Variants in FAM227B observed in about 807,000 individuals in gnomAD.
FAM227B encodes the protein family with sequence similarity 227 member B.
FAM227B carries 88 observed loss-of-function variants against 73.8 expected under a neutral mutation model. That is an observed-to-expected ratio of 1.19 (90% CI 1.00 to 1.42). FAM227B has a LOEUF of 1.42. Ranked by LOEUF, FAM227B falls within the 40% of genes most tolerant of loss-of-function variation. The pLI is 0.00. For synonymous variants in FAM227B, 210 were observed against 190.5 expected (o/e 1.10, Z -0.84); for missense variants, 632 against 590.9 (o/e 1.07, Z -0.72).
intron 8 of FAM227B, among the ~76,000 whole-genome samples, chr15:49,569,134 T>G (rs569936090): frequency 1.3e-5 from 2 of 152,082 alleles, no homozygotes; most frequent in East Asian, 3.9e-4. Flanking sequence ...TTTGTCTATT[T>G]CAACTACATT....
intron 11 of FAM227B, among the ~76,000 whole-genome samples, chr15:49,445,731 GT>G (rs2052138189): frequency 1.3e-5 from 2 of 151,536 alleles, no homozygotes; most frequent in Admixed American, 1.3e-4. Context: ...TAGCTGTCCA[GT>G]TTTTAAAAAC....
At chr15:49,366,745 A>G in intron 13 of FAM227B, 1 of 864,110 alleles carries the variant, frequency 1.2e-6, no homozygotes, top group African/African-American at 1.7e-5. Flanking sequence ...GTAGGCTGGG[A>G]GTCCCGCCAC....
rs1227288949 is a variant in FAM227B, at chr15:49,585,628, T to C, written c.405+2388A>G. ...AACACTGCATGTTCTCACTTATAGG[T>C]GGGAATTGAACAATGAGAACACATG... On this transcript the variant is annotated intron_variant, in intron 5 of 15. Transcript: ENST00000299338. Among the ~76,000 whole-genome samples the C allele has an allele frequency of 2.0e-5, 3 of 150,258 alleles. No individual in the cohort carries two copies. The East Asian group carries it at 5.9e-4, about 29-fold the overall frequency.
chr15:49,375,819 A>G (rs929234458), intron 11 of FAM227B, among the ~76,000 whole-genome samples: 1 of 152,148 alleles, frequency 6.6e-6, no homozygotes, highest in African/African-American at 2.4e-5. Flanking sequence ...AATTGAGACT[A>G]ATTTAATTGT....
chr15:49,331,846 G>A lies in FAM227B; in HGVS notation c.1353C>T (p.Leu451=), dbSNP rs2038819312. 1 of 1,603,500 alleles carries A rather than the reference G, an allele frequency of 6.2e-7. No individual in the cohort carries two copies. Among genetic ancestry groups the A allele is most frequent in the African/African-American group, 1.3e-5 (1 of 74,684 alleles). The change falls in exon 15 of 16, where the codon CTC becomes CTT. Residue 451 remains leucine (L), a synonymous_variant. Transcript: ENST00000299338. ...GAGGTTTCTTGGTAGCCTTTGCTTG[G>A]AGTCTAATCATGGAATAAAGAAAAT... ...FARNQKDFRI[L]QAKATKKPHE...
intron 2 of FAM227B, 165 bp downstream of exon 2, chr15:49,614,956 A>C: frequency 1.5e-6 from 1 of 666,426 alleles, no homozygotes; most frequent in Non-Finnish European, 2.7e-6. Context: ...CCTTGGCAAT[A>C]CTCATCTCAG....
chr15:49,532,250 G>T (rs1437964510), intron 10 of FAM227B, among the ~76,000 whole-genome samples: 1 of 151,454 alleles, frequency 6.6e-6, no homozygotes, highest in Non-Finnish European at 1.5e-5. Context: ...CATTTTTAGG[G>T]ATTAGAATCA....
intron 11 of FAM227B, among the ~76,000 whole-genome samples, chr15:49,386,307 C>T (rs985655998): frequency 1.3e-5 from 2 of 151,680 alleles, no homozygotes; most frequent in African/African-American, 4.8e-5. Context: ...AGTATCTTCT[C>T]AGGCCACAGT....
chr15:49,530,127 C>CT (rs1476468100), intron 10 of FAM227B, among the ~76,000 whole-genome samples: 1 of 151,614 alleles, frequency 6.6e-6, no homozygotes, highest in Non-Finnish European at 1.5e-5. Context: ...AATTTTAATG[C>CT]TTTTTTGCAA....
intron 13 of FAM227B, among the ~76,000 whole-genome samples, chr15:49,350,718 T>C (rs1432933599): frequency 6.6e-6 from 1 of 152,182 alleles, no homozygotes; most frequent in Admixed American, 6.5e-5. Flanking sequence ...CCATTTGCCT[T>C]TTATAATCCC....
chr15:49,371,526 G>A (rs1309558838), intron 11 of FAM227B, 127 bp from the exon 12 acceptor site: 1 of 448,464 alleles, frequency 2.2e-6, no homozygotes, highest in Non-Finnish European at 4.0e-6. Context: ...TGGATAAAGA[G>A]TGTTAAGACA....
intron 13 of FAM227B, among the ~76,000 whole-genome samples, chr15:49,336,734 G>A (rs2039782064): frequency 6.6e-6 from 1 of 152,024 alleles, no homozygotes; most frequent in South Asian, 2.1e-4. Flanking sequence ...AGATCCAGGG[G>A]TTACATGGGC....
intron 11 of FAM227B, among the ~76,000 whole-genome samples, chr15:49,422,938 A>G (rs898719831): frequency 6.6e-6 from 1 of 152,192 alleles, no homozygotes; most frequent in African/African-American, 2.4e-5. Context: ...AAAACCCTAT[A>G]TATATGTTCA....
At chr15:49,393,309 CTTTG>C (rs1025889344) in intron 11 of FAM227B, among the ~76,000 whole-genome samples, 45 of 152,062 alleles carry the variant, frequency 3.0e-4, no homozygotes, top group African/African-American at 1.1e-3. Flanking sequence ...ATCATTTCCT[CTTTG>C]TTTGGAGCCA....
At chr15:49,502,048 G>T (rs1318046904) in intron 11 of FAM227B, among the ~76,000 whole-genome samples, 1 of 152,208 alleles carries the variant, frequency 6.6e-6, no homozygotes, top group East Asian at 1.9e-4. Flanking sequence ...AGATCATTTT[G>T]CAGCCTCTGC....
intron 5 of FAM227B, among the ~76,000 whole-genome samples, chr15:49,587,149 C>T (rs2076215972): frequency 6.6e-6 from 1 of 152,038 alleles, no homozygotes; most frequent in African/African-American, 2.4e-5. Flanking sequence ...ACTATGCAGC[C>T]CTAAGAAACA....
chr15:49,490,810 T>TA (rs2057026078), intron 11 of FAM227B, among the ~76,000 whole-genome samples: 2 of 152,134 alleles, frequency 1.3e-5, no homozygotes, highest in African/African-American at 4.8e-5. Flanking sequence ...AATTAATAGA[T>TA]ACAACCAGGC....
intron 9 of FAM227B, among the ~76,000 whole-genome samples, chr15:49,550,288 A>G (rs2072728086): frequency 7.8e-6 from 1 of 128,834 alleles, no homozygotes. Context: ...GCGGCCGGGC[A>G]GAGGCGCCCC....
At chr15:49,614,650 G>A (rs1027481116) in intron 2 of FAM227B, 1 of 153,570 alleles carries the variant, frequency 6.5e-6, no homozygotes, top group Non-Finnish European at 1.4e-5. Flanking sequence ...TCCTTTCCCA[G>A]AAAACTAACC....
Sources: gnomAD v4.1 joint callset for allele counts (sites outside exome capture counted in the v4.1 genomes callset) on GRCh38, gnomAD v4.1.1 for gene constraint, MANE v1.5 for transcripts, NCBI Gene and HGNC (gene_info 2026-07-23, HGNC 2026-07-21) for gene names.